AGFG1: variants seen among roughly 807,000 people sequenced by gnomAD.
AGFG1 encodes the protein ArfGAP with FG repeats 1.
AGFG1 carries 10 observed loss-of-function variants against 60.6 expected under a neutral mutation model. That is an observed-to-expected ratio of 0.16 (90% CI 0.10 to 0.28). The LOEUF (loss-of-function observed/expected upper bound fraction) is 0.28, where lower values mean the gene tolerates loss of function less well. AGFG1 is among the 10% of genes least tolerant of loss of function. AGFG1 has a pLI of 1.00. For synonymous variants in AGFG1, 247 were observed against 242.9 expected, an observed-to-expected ratio of 1.02 and a Z score of -0.16; for missense variants, 537 against 676.5, an observed-to-expected ratio of 0.79 and a Z score of 2.29.
chr2:227,540,564 A>G (rs948657567), intron 10 of AGFG1, among the ~76,000 whole-genome samples: 1 of 152,152 alleles, frequency 6.6e-6, no homozygotes, highest in Non-Finnish European at 1.5e-5. Flanking sequence ...CATGGTGTAT[A>G]TGTACCACAT....
intron 2 of AGFG1, among the ~76,000 whole-genome samples, chr2:227,515,518 A>T (rs1407391593): frequency 6.6e-6 from 1 of 152,128 alleles, no homozygotes; most frequent in Non-Finnish European, 1.5e-5. Context: ...TCCCTTTGTT[A>T]TCCGTCTTCC....
At chr2:227,500,670 G>A (rs1691125394) in intron 2 of AGFG1, among the ~76,000 whole-genome samples, 1 of 152,086 alleles carries the variant, frequency 6.6e-6, no homozygotes, top group South Asian at 2.1e-4. Context: ...TGCCTCAGCA[G>A]ATATCTGTAT....
At chr2:227,476,214 C>T (rs1200947149) in intron 1 of AGFG1, among the ~76,000 whole-genome samples, 2 of 152,244 alleles carry the variant, frequency 1.3e-5, no homozygotes, top group East Asian at 3.9e-4. Flanking sequence ...GGCATCCTAA[C>T]TGATTGGTTT....
chr2:227,497,636 T>C (rs1245857537), intron 2 of AGFG1, among the ~76,000 whole-genome samples: 2 of 151,888 alleles, frequency 1.3e-5, no homozygotes, highest in African/African-American at 2.4e-5. Context: ...CAAGACATTA[T>C]AGACATCTCT....
intron 12 of AGFG1, among the ~76,000 whole-genome samples, chr2:227,554,212 C>G (rs1370512296): frequency 6.6e-6 from 1 of 152,132 alleles, no homozygotes; most frequent in Non-Finnish European, 1.5e-5. Flanking sequence ...GAATCTATTA[C>G]AAGAACTGTT....
chr2:227,498,144 TA>T (rs552439132), intron 2 of AGFG1, among the ~76,000 whole-genome samples: 31 of 151,986 alleles, frequency 2.0e-4, no homozygotes, highest in African/African-American at 6.7e-4. Flanking sequence ...TTTTTAAAAT[TA>T]AAAAAAAATT....
intron 1 of AGFG1, among the ~76,000 whole-genome samples, chr2:227,485,324 A>G (rs1417309791): frequency 2.0e-5 from 3 of 147,202 alleles, no homozygotes; most frequent in South Asian, 2.2e-4. Flanking sequence ...GCAACCTCCA[A>G]CTCCCAGGTT....
chr2:227,481,846 T>A (rs555639737), intron 1 of AGFG1, among the ~76,000 whole-genome samples: 1 of 151,686 alleles, frequency 6.6e-6, no homozygotes. Context: ...GTGAAGAGAT[T>A]TAGATTTTGT....
intron 11 of AGFG1, among the ~76,000 whole-genome samples, chr2:227,553,388 C>T (rs1269280025): frequency 2.7e-5 from 4 of 150,102 alleles, no homozygotes; most frequent in Admixed American, 6.7e-5. Flanking sequence ...TCCAGCTACT[C>T]GGGAAACTGA....
At chr2:227,521,900 TATACAA>T (rs756635219) in intron 3 of AGFG1, among the ~76,000 whole-genome samples, 1 of 152,204 alleles carries the variant, frequency 6.6e-6, no homozygotes, top group Non-Finnish European at 1.5e-5. Context: ...TAATAAGAGT[TATACAA>T]ATAGAGACTT....
chr2:227,489,292 G>A (rs184793935), intron 1 of AGFG1, among the ~76,000 whole-genome samples: 40 of 131,188 alleles, frequency 3.0e-4, no homozygotes, highest in Admixed American at 2.5e-3. Context: ...ATGCAGTGGC[G>A]CAATCTCAGC....
At chr2:227,550,813 T>G (rs1271438562) in intron 10 of AGFG1, among the ~76,000 whole-genome samples, 1 of 152,212 alleles carries the variant, frequency 6.6e-6, no homozygotes, top group Non-Finnish European at 1.5e-5. Flanking sequence ...CTTAAATCAA[T>G]GAACAAATTG....
chr2:227,553,581 A>G lies in AGFG1; in HGVS notation c.1538-123A>G, dbSNP rs913985846. ...GAAAGAGCTTGAGGCCTAACAACTT[A>G]ACTTTAACATTTTATTTTTGCTGCT... On this transcript the variant is annotated intron_variant, in intron 11 of 12. Transcript: ENST00000310078. 3 of 756,036 alleles carry G rather than the reference A, an allele frequency of 4.0e-6. No individual in the cohort carries two copies. The African/African-American group carries it at 5.3e-5, about 13-fold the overall frequency. 46.8% of individuals were successfully genotyped at this position (756,036 alleles called of 1,614,324 possible).
Position 227,557,981 on chromosome 2 carries a change from A to G in AGFG1, c.*3486A>G, listed in dbSNP as rs1164100522. 1 of 152,206 alleles carries G rather than the reference A, an allele frequency of 6.6e-6. No homozygotes were observed. Among genetic ancestry groups the G allele is most frequent in the African/African-American group, 2.4e-5 (1 of 41,446 alleles). 9.4% of individuals were successfully genotyped at this position (152,206 alleles called of 1,614,324 possible). On this transcript the variant is annotated 3_prime_UTR_variant, in exon 13 of 13. Transcript: ENST00000310078. ...TAAATTTGTGTATTTCTAGAACAGT[A>G]TTTACTTGCAGGGCAAACATAACTA... is the stretch of plus-strand genomic sequence containing the variant.
intron 2 of AGFG1, among the ~76,000 whole-genome samples, chr2:227,512,256 TG>T (rs1691516658): frequency 6.6e-6 from 1 of 152,186 alleles, no homozygotes; most frequent in Non-Finnish European, 1.5e-5. Flanking sequence ...TAAAACCAAA[TG>T]TTAAGATAGA....
At chr2:227,551,772 C>G (rs565102647) in intron 10 of AGFG1, among the ~76,000 whole-genome samples, 187 bp from the exon 11 acceptor site, 1 of 152,274 alleles carries the variant, frequency 6.6e-6, no homozygotes, top group Admixed American at 6.5e-5. Flanking sequence ...AATAAAATTT[C>G]TACAAGTTAC....
At chr2:227,541,894 C>G (rs937416526) in intron 10 of AGFG1, among the ~76,000 whole-genome samples, 7 of 152,152 alleles carry the variant, frequency 4.6e-5, no homozygotes, top group African/African-American at 1.7e-4. Context: ...TGTAGTTCTC[C>G]TTGAAGAGGT....
At chr2:227,473,916 T>C (rs908912749) in intron 1 of AGFG1, among the ~76,000 whole-genome samples, 4 of 152,222 alleles carry the variant, frequency 2.6e-5, no homozygotes, top group African/African-American at 9.7e-5. Flanking sequence ...CCAGTAAATA[T>C]AGCAAAGTCT....
chr2:227,543,301 A>T (rs1033175756), intron 10 of AGFG1, among the ~76,000 whole-genome samples: 4 of 152,020 alleles, frequency 2.6e-5, no homozygotes, highest in Admixed American at 6.6e-5. Context: ...TAGTGCTATA[A>T]ATTTTCCTCT....
Sources: allele counts gnomAD v4.1 joint callset (sites outside exome capture counted in the v4.1 genomes callset), GRCh38; gene constraint gnomAD v4.1.1; transcripts MANE v1.5; gene names NCBI Gene and HGNC (gene_info 2026-07-23, HGNC 2026-07-21).